Variants in GNA14 observed in about 807,000 individuals in gnomAD.
The protein encoded by GNA14 is G protein subunit alpha 14.
A neutral mutation model predicts 42.0 loss-of-function variants in GNA14; 50 were observed. That is an observed-to-expected ratio of 1.19 (90% CI 0.95 to 1.51). The LOEUF (loss-of-function observed/expected upper bound fraction) is 1.51, where lower values mean the gene tolerates loss of function less well. Ranked by LOEUF, GNA14 falls within the 40% of genes most tolerant of loss-of-function variation. The probability of loss-of-function intolerance (pLI) is 0.00; values close to 1 mark genes in which losing one functional copy is unlikely to be tolerated. For synonymous variants in GNA14, 173 were observed against 163.1 expected (o/e 1.06, Z -0.46); for missense variants, 473 against 446.2 (o/e 1.06, Z -0.54).
chr9:77,566,211 G>A (rs997429257), intron 1 of GNA14, among the ~76,000 whole-genome samples: 5 of 146,878 alleles, frequency 3.4e-5, no homozygotes, highest in East Asian at 2.0e-4. Flanking sequence ...CTGGAGTGTG[G>A]TGGTGCAGTC....
chr9:77,434,121 G>T (rs1417381889), intron 3 of GNA14, among the ~76,000 whole-genome samples: 3 of 152,168 alleles, frequency 2.0e-5, no homozygotes, highest in African/African-American at 7.2e-5. Flanking sequence ...AAAACGACAG[G>T]CTTAGAACAC....
intron 1 of GNA14, chr9:77,580,494 C>A: frequency 2.6e-6 from 1 of 387,958 alleles, no homozygotes; most frequent in Non-Finnish European, 5.3e-6. Context: ...GCATCATCAG[C>A]ATGGTTGTGG....
At chr9:77,489,510 G>A (rs1020459080) in intron 2 of GNA14, among the ~76,000 whole-genome samples, 3 of 152,212 alleles carry the variant, frequency 2.0e-5, no homozygotes, top group Admixed American at 2.0e-4. Context: ...AGTGTGTCCG[G>A]AATTGGTGGG....
At position 77,478,935 on chromosome 9, in the gene GNA14, T is replaced by C. The variant is rs540082153; in HGVS notation, c.310-44413A>G. ...GTAGATTCTGGATATTAGCCCTTTGTCAGATGAGTAGGTTGAGAAAATTTT... is the reference window on the plus strand; with the variant it reads ...GTAGATTCTGGATATTAGCCCTTTGCCAGATGAGTAGGTTGAGAAAATTTT... On this transcript the variant is annotated intron_variant, in intron 2 of 6. Coordinates refer to ENST00000341700, the MANE Select transcript of GNA14 (RefSeq NM_004297.4). Among the ~76,000 whole-genome samples, 663 of 152,358 alleles carry C rather than the reference T, an allele frequency of 4.4e-3. 3 individuals are homozygous for C. The highest frequency in any genetic ancestry group is 0.014 in the Middle Eastern group (4 of 294).
At chr9:77,635,839 C>T (rs1259418698) in intron 1 of GNA14, among the ~76,000 whole-genome samples, 7 of 152,120 alleles carry the variant, frequency 4.6e-5, no homozygotes. Flanking sequence ...CTGCTGAGTC[C>T]CTTCACTCCT....
At chr9:77,640,890 A>C (rs188493349) in intron 1 of GNA14, among the ~76,000 whole-genome samples, 33 of 149,936 alleles carry the variant, frequency 2.2e-4, no homozygotes, top group Middle Eastern at 3.4e-3. Flanking sequence ...AAAAAAAAAA[A>C]AACAACAGAC....
intron 2 of GNA14, among the ~76,000 whole-genome samples, chr9:77,442,518 T>C (rs1663269407): frequency 6.6e-6 from 1 of 152,224 alleles, no homozygotes; most frequent in Non-Finnish European, 1.5e-5. Context: ...GGACAGTTGA[T>C]GGTTAAGCAG....
chr9:77,618,779 G>T (rs10121419), intron 1 of GNA14, among the ~76,000 whole-genome samples: 17,679 of 143,926 alleles, frequency 0.12, 1,024 homozygotes, highest in South Asian at 0.22. Flanking sequence ...GACTACAGGC[G>T]CCCGCCACTA....
chr9:77,564,218 T>C (rs546109259), intron 1 of GNA14, among the ~76,000 whole-genome samples: 86 of 151,388 alleles, frequency 5.7e-4, no homozygotes, highest in Middle Eastern at 6.8e-3. Flanking sequence ...CACTTTGGAA[T>C]CATCTGAAGA....
At chr9:77,569,690 T>A (rs1823030533) in intron 1 of GNA14, among the ~76,000 whole-genome samples, 1 of 152,082 alleles carries the variant, frequency 6.6e-6, no homozygotes, top group Admixed American at 6.5e-5. Flanking sequence ...AGGGGCTGTG[T>A]CTGCCCCTGT....
At chr9:77,581,034 ACAC>A (rs1183608594) in intron 1 of GNA14, among the ~76,000 whole-genome samples, 3 of 147,974 alleles carry the variant, frequency 2.0e-5, no homozygotes, top group Non-Finnish European at 4.5e-5. Flanking sequence ...ACACACACAC[ACAC>A]AATAGTACCC....
At chr9:77,438,519 C>G (rs188248156) in intron 2 of GNA14, among the ~76,000 whole-genome samples, 1 of 152,056 alleles carries the variant, frequency 6.6e-6, no homozygotes, top group Non-Finnish European at 1.5e-5. Flanking sequence ...CCACCCACCT[C>G]AGCCTCCCAA....
intron 2 of GNA14, chr9:77,456,542 G>A (rs558005852): frequency 6.6e-6 from 1 of 152,166 alleles, no homozygotes; most frequent in Non-Finnish European, 1.5e-5. Flanking sequence ...CATTTTCCTT[G>A]GTAAGTTATA....
chr9:77,430,818 T>G (rs1251502852), intron 4 of GNA14, among the ~76,000 whole-genome samples: 1 of 152,220 alleles, frequency 6.6e-6, no homozygotes, highest in Non-Finnish European at 1.5e-5. Flanking sequence ...TTTCCTATAT[T>G]TGTAAGTGGA....
chr9:77,616,029 C>T (rs1480313391), intron 1 of GNA14, among the ~76,000 whole-genome samples: 2 of 152,096 alleles, frequency 1.3e-5, no homozygotes, highest in Admixed American at 6.5e-5. Flanking sequence ...TCTGAAATCT[C>T]AGAGTTCTTT....
At chr9:77,562,432 G>T (rs1462571640) in intron 1 of GNA14, among the ~76,000 whole-genome samples, 1 of 152,102 alleles carries the variant, frequency 6.6e-6, no homozygotes, top group Non-Finnish European at 1.5e-5. Flanking sequence ...GGGACATGAA[G>T]GAGAGCCACC....
chr9:77,440,311 C>T (rs930904609), intron 2 of GNA14, among the ~76,000 whole-genome samples: 1 of 152,230 alleles, frequency 6.6e-6, no homozygotes, highest in African/African-American at 2.4e-5. Flanking sequence ...CTGCCGGTGA[C>T]AGTCCCTGCC....
intron 5 of GNA14, among the ~76,000 whole-genome samples, chr9:77,427,649 A>T (rs904498541): frequency 6.6e-6 from 1 of 152,254 alleles, no homozygotes; most frequent in African/African-American, 2.4e-5. Context: ...CCCCAACCTG[A>T]CAGAGAAGTG....
rs1241231645 is a variant in GNA14 at position 77,423,898 on chromosome 9, T to A, written c.*81A>T. ...GTTCCTGGCATGGGGCTGGCTCTGGTGATGTCAGAAGCACTTGCAAATAAA... is the reference window on the plus strand; with the variant it reads ...GTTCCTGGCATGGGGCTGGCTCTGGAGATGTCAGAAGCACTTGCAAATAAA... On this transcript the variant is annotated 3_prime_UTR_variant, in exon 7 of 7. Coordinates refer to ENST00000341700, the MANE Select transcript of GNA14 (RefSeq NM_004297.4). The A allele has an allele frequency of 2.1e-6, 2 of 967,328 alleles. No homozygotes were observed. The highest frequency in any genetic ancestry group is 3.1e-6 in the Non-Finnish European group (2 of 650,942). 59.9% of individuals were successfully genotyped at this position (967,328 alleles called of 1,614,324 possible).
Sources: gnomAD v4.1 joint callset for allele counts (sites outside exome capture counted in the v4.1 genomes callset) on GRCh38, gnomAD v4.1.1 for gene constraint, MANE v1.5 for transcripts, NCBI Gene and HGNC (gene_info 2026-07-23, HGNC 2026-07-21) for gene names.